Variants in EPC2 observed in about 807,000 individuals in gnomAD.
EPC2 encodes enhancer of polycomb homolog 2.
Under a neutral mutation model 92.1 loss-of-function variants are expected in EPC2, and 14 were observed. That is an observed-to-expected ratio of 0.15 (90% CI 0.10 to 0.24). EPC2 has a LOEUF of 0.24. Among genes scored for constraint, EPC2 ranks in the 10% least tolerant of loss-of-function variants. The probability of loss-of-function intolerance (pLI) is 1.00; values close to 1 mark genes in which losing one functional copy is unlikely to be tolerated. For synonymous variants in EPC2, 340 were observed against 334.7 expected (o/e 1.02, Z -0.17); for missense variants, 755 against 971.5 (o/e 0.78, Z 2.96).
chr2:148,659,383 AAT>A (rs1337371133), intron 1 of EPC2, among the ~76,000 whole-genome samples: 1 of 152,116 alleles, frequency 6.6e-6, no homozygotes, highest in Admixed American at 6.6e-5. Flanking sequence ...TTTAAAAAAA[AAT>A]AGTTAATCTT....
At chr2:148,785,079 T>G in intron 13 of EPC2, 78 bp downstream of exon 13, 1 of 1,192,418 alleles carries the variant, frequency 8.4e-7, no homozygotes, top group East Asian at 2.7e-5. Flanking sequence ...TTTTTTACAC[T>G]GCTCAAGCAA....
At chr2:148,743,539 A>T in intron 2 of EPC2, 83 bp from the exon 3 acceptor site, 2 of 1,105,350 alleles carry the variant, frequency 1.8e-6, no homozygotes, top group South Asian at 3.7e-5. Context: ...TGTAATTTAG[A>T]GGTAGTCTGC....
At chr2:148,653,911 G>A (rs549962512) in intron 1 of EPC2, among the ~76,000 whole-genome samples, 8 of 149,648 alleles carry the variant, frequency 5.3e-5, no homozygotes, top group African/African-American at 2.0e-4. Flanking sequence ...TGTTTAATAA[G>A]TATCTGAAAA....
At chr2:148,743,585 T>TA in intron 2 of EPC2, 37 bp from the exon 3 acceptor site, 1 of 1,469,106 alleles carries the variant, frequency 6.8e-7, no homozygotes, top group Non-Finnish European at 9.0e-7. Context: ...ATTTCATAAT[T>TA]TCTCCTGAGT....
At chr2:148,774,621 A>G (rs903792514) in intron 10 of EPC2, among the ~76,000 whole-genome samples, 4 of 110,462 alleles carry the variant, frequency 3.6e-5, no homozygotes, top group South Asian at 8.9e-4. Context: ...AAAAAAATAT[A>G]TTTTATATAT....
intron 1 of EPC2, among the ~76,000 whole-genome samples, chr2:148,688,921 G>A (rs993958440): frequency 1.3e-5 from 2 of 152,274 alleles, no homozygotes; most frequent in Non-Finnish European, 2.9e-5. Context: ...TTGCAAAGTG[G>A]TATGGAGGAA....
At chr2:148,699,692 G>A (rs115188099) in intron 2 of EPC2, among the ~76,000 whole-genome samples, 1 of 152,124 alleles carries the variant, frequency 6.6e-6, no homozygotes, top group Non-Finnish European at 1.5e-5. Context: ...AAATAAAACT[G>A]CTCTAAACAT....
intron 2 of EPC2, chr2:148,692,497 C>T (rs1681665477): frequency 6.6e-6 from 1 of 152,096 alleles, no homozygotes. Flanking sequence ...GGTGGTACAG[C>T]CATTTTCCAC....
At chr2:148,739,871 G>A (rs984954693) in intron 2 of EPC2, among the ~76,000 whole-genome samples, 9 of 86,862 alleles carry the variant, frequency 1.0e-4, no homozygotes, top group Non-Finnish European at 1.6e-4. Flanking sequence ...TTTACTGCTC[G>A]GTTAACTTCA....
chr2:148,655,629 G>A (rs1049720102), intron 1 of EPC2, among the ~76,000 whole-genome samples: 1 of 152,122 alleles, frequency 6.6e-6, no homozygotes, highest in Non-Finnish European at 1.5e-5. Flanking sequence ...TTTGTTAGAA[G>A]TTTATGTTTT....
At chr2:148,710,928 G>T (rs145440091) in intron 2 of EPC2, among the ~76,000 whole-genome samples, 1 of 151,932 alleles carries the variant, frequency 6.6e-6, no homozygotes, top group Non-Finnish European at 1.5e-5. Context: ...CTGTATGCAC[G>T]CATACACACA....
intron 10 of EPC2, among the ~76,000 whole-genome samples, chr2:148,778,378 T>C (rs1683686155): frequency 6.6e-6 from 1 of 152,218 alleles, no homozygotes; most frequent in African/African-American, 2.4e-5. Flanking sequence ...ATTTGTTCAC[T>C]CTATAACTAT....
chr2:148,669,126 T>C (rs1681106922), intron 1 of EPC2, among the ~76,000 whole-genome samples: 1 of 152,326 alleles, frequency 6.6e-6, no homozygotes, highest in East Asian at 1.9e-4. Flanking sequence ...TTTAGAAGTG[T>C]GTTATTTGAT....
intron 1 of EPC2, among the ~76,000 whole-genome samples, chr2:148,654,127 T>A (rs1339988569): frequency 6.6e-6 from 1 of 151,998 alleles, no homozygotes; most frequent in Non-Finnish European, 1.5e-5. Context: ...CTGTGTATTT[T>A]TAGTAGAGAT....
intron 2 of EPC2, among the ~76,000 whole-genome samples, chr2:148,741,831 C>T (rs1259830757): frequency 6.6e-6 from 1 of 152,174 alleles, no homozygotes; most frequent in Non-Finnish European, 1.5e-5. Context: ...AAAATTGCTT[C>T]ACCATCTGTG....
intron 1 of EPC2, among the ~76,000 whole-genome samples, chr2:148,677,274 G>A (rs1255831615): frequency 6.6e-6 from 1 of 152,170 alleles, no homozygotes; most frequent in Non-Finnish European, 1.5e-5. Context: ...ATTGAGGGAG[G>A]ATGTCATGAT....
rs35674266 is a variant in EPC2, at chr2:148,761,874, A to G, written c.759A>G (p.Arg253=). The G allele has an allele frequency of 1.1e-3, 1,821 of 1,598,680 alleles. 16 individuals carry two copies. In the African/African-American group the frequency reaches 0.02, roughly 18 times the overall value. ...TAACAATTTTGGAAATGATTAAGAG[A>G]AGAGAGAAAACAAAACGAGAATTAT... ...RAITILEMIK[R]REKTKRELLH... is the part of the protein sequence containing the mutation. Residue 253 remains arginine, a synonymous_variant, in exon 5 of 14, where the codon AGA becomes AGG. Coordinates refer to ENST00000258484, the MANE Select transcript of EPC2 (RefSeq NM_015630.4).
At position 148,784,990 on chromosome 2, in the gene EPC2, C is replaced by T. The variant is rs900082437; in HGVS notation, c.2340C>T (p.Ser780=). The T allele has an allele frequency of 6.6e-7, 1 of 1,518,216 alleles. No homozygotes were observed. Among genetic ancestry groups the T allele is most frequent in the Non-Finnish European group, 8.8e-7 (1 of 1,132,212 alleles). 94.0% of individuals were successfully genotyped at this position (1,518,216 alleles called of 1,614,324 possible). ...AGGTTACTCCCAGCAGTGCCATCAG[C>T]AGCATAGCAAGGTGTGTGTGTGTGT... ...VPKVTPSSAI[S]SIARENHEPE... is the part of the protein sequence containing the mutation. The change falls in exon 13 of 14, where the codon AGC becomes AGT. Residue 780 remains serine (S), a synonymous_variant. Coordinates refer to ENST00000258484, the MANE Select transcript of EPC2 (RefSeq NM_015630.4).
chr2:148,676,528 TAAC>T (rs1489910064), intron 1 of EPC2, among the ~76,000 whole-genome samples: 18 of 152,014 alleles, frequency 1.2e-4, no homozygotes, highest in Admixed American at 1.1e-3. Context: ...CAGAAAAAAA[TAAC>T]AATCACTTAA....
Sources: allele counts gnomAD v4.1 joint callset (sites outside exome capture counted in the v4.1 genomes callset), GRCh38; gene constraint gnomAD v4.1.1; transcripts MANE v1.5; gene names NCBI Gene and HGNC (gene_info 2026-07-23, HGNC 2026-07-21).